JMJD1C: variants seen among roughly 807,000 people sequenced by gnomAD.
JMJD1C encodes the protein jumonji domain-containing protein 1C.
Under a neutral mutation model 245.3 loss-of-function variants are expected in JMJD1C, and 31 were observed. The observed-to-expected ratio is 0.13, with a 90% CI of 0.09 to 0.17. JMJD1C has a LOEUF of 0.17. JMJD1C is among the 10% of genes least tolerant of loss of function. JMJD1C has a pLI of 1.00. For missense variants in JMJD1C, 2,691 were observed against 3,000.2 expected (o/e 0.90, Z 2.41); for synonymous variants, 1,057 against 1,017.4 (o/e 1.04, Z -0.74).
chr10:63,507,508 G>T (rs927190350), intron 1 of JMJD1C, among the ~76,000 whole-genome samples: 5 of 151,960 alleles, frequency 3.3e-5, no homozygotes. Flanking sequence ...AGCCAGGAGT[G>T]GTGGCAGATG....
chr10:63,184,416 T>C (rs1843869698), intron 21 of JMJD1C, among the ~76,000 whole-genome samples, 192 bp downstream of exon 21: 1 of 152,092 alleles, frequency 6.6e-6, no homozygotes, highest in Non-Finnish European at 1.5e-5. Context: ...CTAATTTTTG[T>C]ATTTTTTAGT....
intron 3 of JMJD1C, among the ~76,000 whole-genome samples, chr10:63,256,805 C>A (rs931253229): frequency 6.6e-6 from 1 of 152,118 alleles, no homozygotes; most frequent in Non-Finnish European, 1.5e-5. Flanking sequence ...TTTATGTCAA[C>A]AAGGCACCTC....
At chr10:63,464,374 A>G (rs1403354596) in intron 1 of JMJD1C, among the ~76,000 whole-genome samples, 1 of 152,240 alleles carries the variant, frequency 6.6e-6, no homozygotes. Context: ...GGTAAAAAAT[A>G]TTAGGTAGAT....
intron 1 of JMJD1C, among the ~76,000 whole-genome samples, chr10:63,460,601 T>C (rs1952723470): frequency 6.6e-6 from 1 of 152,188 alleles, no homozygotes; most frequent in African/African-American, 2.4e-5. Flanking sequence ...TCCTTTATTA[T>C]TCCATAAGCA....
At chr10:63,440,865 C>G (rs1459253256) in intron 1 of JMJD1C, among the ~76,000 whole-genome samples, 1 of 152,098 alleles carries the variant, frequency 6.6e-6, no homozygotes, top group Non-Finnish European at 1.5e-5. Context: ...ATATAACAAC[C>G]CTTTTAGGTA....
chr10:63,309,950 GA>G (rs1938931815), intron 2 of JMJD1C, among the ~76,000 whole-genome samples: 1 of 151,972 alleles, frequency 6.6e-6, no homozygotes, highest in Non-Finnish European at 1.5e-5. Flanking sequence ...CAAACCATAA[GA>G]ACATTTAAAA....
At chr10:63,187,389 A>T (rs542780473) in intron 18 of JMJD1C, among the ~76,000 whole-genome samples, 2 of 152,334 alleles carry the variant, frequency 1.3e-5, no homozygotes, top group Non-Finnish European at 2.9e-5. Flanking sequence ...GGTTAAGCTA[A>T]TTAGTGTATC....
chr10:63,503,948 G>A (rs745695606), intron 1 of JMJD1C, among the ~76,000 whole-genome samples: 2 of 152,110 alleles, frequency 1.3e-5, no homozygotes, highest in Non-Finnish European at 2.9e-5. Context: ...CCACATGCTT[G>A]TGTTTCATGG....
chr10:63,214,063 G>A lies in JMJD1C; in HGVS notation c.2104C>T (p.Pro702Ser). ...RSSTLETTKS[P>S]LIIDKNEHFT... ...TGCTCATTTTTATCAATGATAAGAG[G>A]ACTCTTTGTAGTTTCTAATGTACTG... Residue 702 changes from proline to serine, a missense_variant, in exon 8 of 26, where the codon CCT becomes TCT. By Grantham distance (74) the Pro-to-Ser change is moderately conservative (BLOSUM62 -1). This residue lies in a region of JMJD1C where 1,562 missense variants were observed against 1,490.7 expected (regional missense o/e 1.05). Coordinates refer to ENST00000399262, the MANE Select transcript of JMJD1C (RefSeq NM_032776.3). 1 of 1,614,018 alleles carries A rather than the reference G, an allele frequency of 6.2e-7. No homozygotes were observed. Among genetic ancestry groups the A allele is most frequent in the Non-Finnish European group, 8.5e-7 (1 of 1,179,900 alleles).
chr10:63,180,022 C>G (rs543083654), intron 22 of JMJD1C, among the ~76,000 whole-genome samples: 2 of 152,196 alleles, frequency 1.3e-5, no homozygotes, highest in East Asian at 1.9e-4. Flanking sequence ...TTTTTCGAGA[C>G]ACAGTCTCAC....
Position 63,334,391 on chromosome 10 carries a change from C to T in JMJD1C, c.333+45927G>A, listed in dbSNP as rs141370613. On this transcript the variant is annotated intron_variant, in intron 2 of 25. Transcript: ENST00000399262. ...TGAACACAGATGAATATGATCTATA[C>T]TTCTATATGTCAGGAATACACTACA... is the stretch of plus-strand genomic sequence containing the variant. Among the ~76,000 whole-genome samples the T allele has an allele frequency of 3.4e-3, 523 of 152,200 alleles. 3 individuals are homozygous for T. The highest frequency in any genetic ancestry group is 0.012 in the African/African-American group (507 of 41,524).
chr10:63,486,297 T>C (rs1050329164), intron 1 of JMJD1C, among the ~76,000 whole-genome samples: 10 of 151,882 alleles, frequency 6.6e-5, no homozygotes, highest in East Asian at 1.9e-4. Flanking sequence ...AGAAGAAGCA[T>C]GGATAGAGCG....
chr10:63,184,737 A>G lies in JMJD1C; in HGVS notation c.6832T>C (p.Tyr2278His). ...EDFKTMMPAR[Y>H]EDLLKSLPLP... ...GGCAGACTTTTTAAAAGATCTTCGT[A>G]TCTGAAGAAAAACAACATTGCCTTC... Residue 2278 changes from tyrosine (Y) to histidine (H), a missense_variant and splice_region_variant, in exon 21 of 26, where the codon TAC (tyrosine) becomes CAC (histidine). Around this residue, in one of 9 missense-constraint regions of JMJD1C, gnomAD observed 232 missense variants for 416.1 expected, o/e 0.56. Transcript: ENST00000399262. The G allele has an allele frequency of 6.2e-7, 1 of 1,602,734 alleles. No homozygotes were observed. The highest frequency in any genetic ancestry group is 8.5e-7 in the Non-Finnish European group (1 of 1,176,314).
At chr10:63,298,705 C>T (rs1430310565) in intron 2 of JMJD1C, among the ~76,000 whole-genome samples, 1 of 152,134 alleles carries the variant, frequency 6.6e-6, no homozygotes, top group Non-Finnish European at 1.5e-5. Context: ...GTTCTCCCGA[C>T]ATCAGTAAAA....
intron 1 of JMJD1C, among the ~76,000 whole-genome samples, chr10:63,384,620 ATGTGT>A (rs1348008523): frequency 6.6e-6 from 1 of 152,144 alleles, no homozygotes; most frequent in Non-Finnish European, 1.5e-5. Context: ...CTATAAACAG[ATGTGT>A]TGTCATCCAG....
In JMJD1C at chr10:63,347,966, A is replaced by AT. The variant is rs577370679; in HGVS notation, c.333+32351dup. 2.2e-4 allele frequency among the ~76,000 whole-genome samples: 33 copies of AT among 152,272 alleles called. No individual in the cohort carries two copies. The East Asian group carries it at 4.4e-3, about 20-fold the overall frequency. On this transcript the variant is annotated intron_variant, in intron 2 of 25. Transcript: ENST00000399262. ...AATAGATCATGCCTATAATCCCAGC[A>AT]TTTTGGAAGGCTAAGGCAGGCAGAT...
chr10:63,511,929 T>C (rs1467128649), intron 1 of JMJD1C, among the ~76,000 whole-genome samples: 1 of 152,160 alleles, frequency 6.6e-6, no homozygotes, highest in African/African-American at 2.4e-5. Flanking sequence ...CCTTCTTCTT[T>C]TTCAATTTTT....
chr10:63,510,116 C>G (rs920015239), intron 1 of JMJD1C, among the ~76,000 whole-genome samples: 9 of 151,938 alleles, frequency 5.9e-5, no homozygotes, highest in African/African-American at 2.2e-4. Context: ...AATTCTCCTG[C>G]CTCGGCACCC....
At chr10:63,345,331 ACAAAAATTAG>A (rs749506113) in intron 2 of JMJD1C, among the ~76,000 whole-genome samples, 1 of 152,090 alleles carries the variant, frequency 6.6e-6, no homozygotes, top group Non-Finnish European at 1.5e-5. Flanking sequence ...TACTAAAGAT[ACAAAAATTAG>A]CCGGGCGTGG....
Sources: allele counts gnomAD v4.1 joint callset (sites outside exome capture counted in the v4.1 genomes callset), GRCh38; gene constraint gnomAD v4.1.1; regional missense constraint gnomAD v4.1.1; transcripts MANE v1.5; gene names NCBI Gene and HGNC (gene_info 2026-07-23, HGNC 2026-07-21).